The following CSMD1 variants were observed in gnomAD, a reference collection of about 807,000 sequenced individuals.
The protein encoded by CSMD1 is CUB and Sushi multiple domains 1.
In CSMD1, 213 loss-of-function variants were observed where a neutral mutation model predicts 417.5. The ratio of observed to expected loss-of-function variants is 0.51; its 90% CI spans 0.46 to 0.57. The LOEUF (loss-of-function observed/expected upper bound fraction) is 0.57. Among genes scored for constraint, CSMD1 ranks in the 20% least tolerant of loss-of-function variants. CSMD1 has a pLI of 0.00. For synonymous variants in CSMD1, 2,862 were observed against 1,736.8 expected (o/e 1.65, Z -16.11); for missense variants, 6,923 against 4,529.7 (o/e 1.53, Z -15.17).
At chr8:3,714,195 CAT>C (rs1244089150) in intron 6 of CSMD1, among the ~76,000 whole-genome samples, 3 of 150,330 alleles carry the variant, frequency 2.0e-5, no homozygotes, top group African/African-American at 7.3e-5. Flanking sequence ...TAATAAGCTC[CAT>C]ATATAACATA....
intron 1 of CSMD1, among the ~76,000 whole-genome samples, chr8:4,970,440 T>A (rs1306374565): frequency 6.6e-6 from 1 of 152,134 alleles, no homozygotes. Flanking sequence ...ATGAAAGATG[T>A]TTATGTGACC....
At chr8:4,390,201 G>A (rs1803746966) in intron 3 of CSMD1, among the ~76,000 whole-genome samples, 1 of 152,236 alleles carries the variant, frequency 6.6e-6, no homozygotes, top group East Asian at 1.9e-4. Flanking sequence ...GTATAAACAT[G>A]TTTTTGACCA....
chr8:3,354,855 C>G (rs118028412), intron 21 of CSMD1, among the ~76,000 whole-genome samples: 8,096 of 71,066 alleles, frequency 0.11, 338 homozygotes, highest in Non-Finnish European at 0.14. Context: ...TAAACCCTCT[C>G]CCTATATATA....
intron 3 of CSMD1, among the ~76,000 whole-genome samples, chr8:4,271,489 A>T (rs1430682959): frequency 6.6e-6 from 1 of 152,090 alleles, no homozygotes; most frequent in Non-Finnish European, 1.5e-5. Flanking sequence ...TTTCATAGAG[A>T]AAAAACTGCA....
chr8:3,539,046 G>A (rs1009490065), intron 10 of CSMD1, among the ~76,000 whole-genome samples: 16 of 152,310 alleles, frequency 1.1e-4, no homozygotes, highest in African/African-American at 3.6e-4. Flanking sequence ...AACACCCAGA[G>A]ATGGCCTCTC....
At chr8:4,534,537 G>A (rs1797002727) in intron 2 of CSMD1, among the ~76,000 whole-genome samples, 2 of 152,148 alleles carry the variant, frequency 1.3e-5, no homozygotes, top group African/African-American at 4.8e-5. Flanking sequence ...ATTGGATCCA[G>A]GTGGTAAGCA....
chr8:3,492,790 G>C (rs748160543), intron 11 of CSMD1, among the ~76,000 whole-genome samples: 1 of 152,046 alleles, frequency 6.6e-6, no homozygotes, highest in East Asian at 1.9e-4. Flanking sequence ...TAAGACTCTG[G>C]AATCAGAGTT....
chr8:4,169,870 T>G (rs1328427864), intron 3 of CSMD1, among the ~76,000 whole-genome samples: 2 of 152,024 alleles, frequency 1.3e-5, no homozygotes, highest in Non-Finnish European at 2.9e-5. Flanking sequence ...TAGGATACTG[T>G]GTAATTTACT....
At chr8:4,002,889 AAATAT>A (rs1815801915) in intron 4 of CSMD1, among the ~76,000 whole-genome samples, 2 of 152,240 alleles carry the variant, frequency 1.3e-5, no homozygotes, top group Non-Finnish European at 2.9e-5. Context: ...TGTTACATTA[AAATAT>A]AATATATGGT....
chr8:4,149,577 C>T (rs532066667), intron 3 of CSMD1, among the ~76,000 whole-genome samples: 1 of 152,176 alleles, frequency 6.6e-6, no homozygotes, highest in African/African-American at 2.4e-5. Context: ...AAAATCCGAA[C>T]CAGATTTATG....
At chr8:4,453,154 G>A (rs1799249471) in intron 2 of CSMD1, among the ~76,000 whole-genome samples, 1 of 151,624 alleles carries the variant, frequency 6.6e-6, no homozygotes, top group African/African-American at 2.4e-5. Context: ...AGGCAAATAT[G>A]GCACAAGCCC....
intron 47 of CSMD1, among the ~76,000 whole-genome samples, chr8:3,092,481 G>C (rs1039541112): frequency 2.0e-5 from 3 of 152,146 alleles, no homozygotes; most frequent in Non-Finnish European, 4.4e-5. Flanking sequence ...ACTTCCTCTA[G>C]GAGAGGCACA....
intron 5 of CSMD1, among the ~76,000 whole-genome samples, chr8:3,838,345 G>A (rs1265461462): frequency 2.6e-5 from 4 of 151,736 alleles, no homozygotes; most frequent in African/African-American, 9.7e-5. Context: ...AGACCAGCCT[G>A]GGTGATGTCG....
Position 4,041,621 on chromosome 8 carries a change from T to C in CSMD1, c.416-9522A>G, listed in dbSNP as rs1261090689. On this transcript the variant is annotated intron_variant, in intron 3 of 69. Transcript: ENST00000635120. ...AAAAAGTAATAAGCACGCAAAAAAG[T>C]AAGAAGATATCCATAAGAAGAAGAA... Among the ~76,000 whole-genome samples the C allele has an allele frequency of 2.0e-5, 3 of 151,940 alleles. No homozygotes were observed. The South Asian group carries it at 6.2e-4, about 32-fold the overall frequency.
intron 3 of CSMD1, among the ~76,000 whole-genome samples, chr8:4,397,276 A>C (rs1187728027): frequency 6.6e-6 from 1 of 152,176 alleles, no homozygotes; most frequent in Non-Finnish European, 1.5e-5. Flanking sequence ...ACTGAGCATT[A>C]GTTACCTAAG....
chr8:4,027,887 A>C (rs1324718082), intron 4 of CSMD1, among the ~76,000 whole-genome samples: 1 of 152,222 alleles, frequency 6.6e-6, no homozygotes, highest in East Asian at 1.9e-4. Flanking sequence ...AGACACAGTA[A>C]CTTTGATTTT....
Position 4,025,528 on chromosome 8 carries a change from G to C in CSMD1, c.610+6377C>G, listed in dbSNP as rs184289158. On this transcript the variant is annotated intron_variant, in intron 4 of 69. Transcript: ENST00000635120. ...CATTTTTCATTGAAACTATCTAGCT[G>C]CTTCTTCTCTTTTTTCATATTTCTC... Among the ~76,000 whole-genome samples the C allele has an allele frequency of 2.7e-3, 418 of 152,274 alleles. 1 individual carries two copies. Among genetic ancestry groups the C allele is most frequent in the African/African-American group, 9.8e-3 (406 of 41,568 alleles).
intron 52 of CSMD1, among the ~76,000 whole-genome samples, chr8:3,010,814 G>A (rs1296138093): frequency 6.6e-6 from 1 of 151,326 alleles, no homozygotes; most frequent in African/African-American, 2.4e-5. Context: ...CATGATCTCG[G>A]CTCACTGCAA....
At chr8:3,003,657 C>T (rs865827802) in intron 52 of CSMD1, among the ~76,000 whole-genome samples, 8 of 152,094 alleles carry the variant, frequency 5.3e-5, no homozygotes, top group East Asian at 1.9e-4. Flanking sequence ...AAGACACAAT[C>T]GCAGAGGGTA....
Sources: gnomAD v4.1 joint callset for allele counts (sites outside exome capture counted in the v4.1 genomes callset) on GRCh38, gnomAD v4.1.1 for gene constraint, MANE v1.5 for transcripts, NCBI Gene and HGNC (gene_info 2026-07-23, HGNC 2026-07-21) for gene names.